HHAT: variants seen among roughly 807,000 people sequenced by gnomAD.
HHAT encodes hedgehog acyltransferase.
In HHAT, 47 loss-of-function variants were observed where a neutral mutation model predicts 70.8. That is an observed-to-expected ratio of 0.66 (90% confidence interval 0.53 to 0.85). HHAT has a LOEUF of 0.85. Among genes scored for constraint, HHAT ranks in the 40% least tolerant of loss-of-function variants. HHAT has a pLI of 0.00. For missense variants in HHAT, 609 were observed against 604.8 expected, an observed-to-expected ratio of 1.01 and a Z score of -0.07; for synonymous variants, 228 against 247.6, an observed-to-expected ratio of 0.92 and a Z score of 0.74.
intron 10 of HHAT, among the ~76,000 whole-genome samples, chr1:210,609,759 G>A (rs1282275898): frequency 2.0e-5 from 3 of 152,076 alleles, no homozygotes; most frequent in Admixed American, 2.0e-4. Context: ...GAGAACATGC[G>A]GTGCTTGGTT....
chr1:210,545,856 A>G (rs1419605358), intron 9 of HHAT, among the ~76,000 whole-genome samples: 1 of 152,188 alleles, frequency 6.6e-6, no homozygotes, highest in East Asian at 1.9e-4. Context: ...TATTTCTGAA[A>G]TGATTTGGCT....
intron 6 of HHAT, among the ~76,000 whole-genome samples, chr1:210,411,801 T>C (rs1262352105): frequency 2.7e-5 from 4 of 150,766 alleles, no homozygotes; most frequent in Non-Finnish European, 5.9e-5. Context: ...TAGAGTGATT[T>C]TGCTGCCTCT....
At chr1:210,360,833 ATAATTAACT>A (rs2088206844) in intron 2 of HHAT, among the ~76,000 whole-genome samples, 1 of 145,550 alleles carries the variant, frequency 6.9e-6, no homozygotes, top group African/African-American at 2.6e-5. Flanking sequence ...ATTGGAATAA[ATAATTAACT>A]TCACTTTTTT....
rs769045157 is a variant in HHAT at position 210,418,155 on chromosome 1, TGCAGCA to T, written c.691_696del (p.Gln231_Gln232del). ...TGACCTCTTTTGTTTCCACTTTAGA[TGCAGCA>T]GCAGGAGCATGACTCCCTGAAGGCC... is the stretch of plus-strand genomic sequence containing the variant. On this transcript the variant is annotated inframe_deletion and splice_region_variant, in exon 7 of 12. Coordinates refer to ENST00000261458, the MANE Select transcript of HHAT (RefSeq NM_018194.6). 14 of 1,614,052 alleles carry T rather than the reference TGCAGCA, an allele frequency of 8.7e-6. No homozygotes were observed. The South Asian group carries it at 1.3e-4, about 15-fold the overall frequency.
chr1:210,575,674 G>A (rs1390570988), intron 9 of HHAT, among the ~76,000 whole-genome samples: 5 of 152,194 alleles, frequency 3.3e-5, no homozygotes, highest in African/African-American at 1.2e-4. Context: ...CTTAAAAAGT[G>A]CTTTTGGTGC....
chr1:210,350,613 G>A (rs1229865285), intron 2 of HHAT, among the ~76,000 whole-genome samples: 2 of 152,158 alleles, frequency 1.3e-5, no homozygotes, highest in African/African-American at 4.8e-5. Flanking sequence ...TTTTGTTATA[G>A]CAATCTTGTT....
chr1:210,600,374 C>T (rs4357526), intron 10 of HHAT, among the ~76,000 whole-genome samples: 148,542 of 152,278 alleles, frequency 0.98, 72,547 homozygotes, highest in East Asian at 1. Flanking sequence ...GATTGAATAC[C>T]GAAAAAAACT....
intron 9 of HHAT, among the ~76,000 whole-genome samples, chr1:210,536,675 A>G (rs1558114703): frequency 6.6e-6 from 1 of 152,250 alleles, no homozygotes; most frequent in African/African-American, 2.4e-5. Flanking sequence ...GGGTGCTAAT[A>G]CAGGTGATCA....
intron 7 of HHAT, among the ~76,000 whole-genome samples, chr1:210,428,825 A>C (rs1026678013): frequency 2.0e-5 from 3 of 151,498 alleles, no homozygotes; most frequent in African/African-American, 7.3e-5. Context: ...GAAAATACAA[A>C]AATTAGCCAG....
chr1:210,600,043 C>T (rs985615216), intron 10 of HHAT, among the ~76,000 whole-genome samples: 1 of 152,136 alleles, frequency 6.6e-6, no homozygotes, highest in African/African-American at 2.4e-5. Flanking sequence ...CTTCAGATTT[C>T]AGCTCAAATG....
chr1:210,369,253 C>T (rs761369908), intron 3 of HHAT, among the ~76,000 whole-genome samples: 3 of 152,156 alleles, frequency 2.0e-5, no homozygotes, highest in Non-Finnish European at 4.4e-5. Context: ...TTCCTGAGGA[C>T]ACATTTTCCC....
intron 3 of HHAT, among the ~76,000 whole-genome samples, chr1:210,376,456 G>A (rs781766164): frequency 6.6e-6 from 1 of 152,150 alleles, no homozygotes; most frequent in Non-Finnish European, 1.5e-5. Flanking sequence ...GAAAGCAGAC[G>A]TCTCTGTGTT....
chr1:210,633,809 C>T (rs77762608), intron 11 of HHAT, among the ~76,000 whole-genome samples: 3,958 of 152,234 alleles, frequency 0.026, 152 homozygotes, highest in African/African-American at 0.09. Flanking sequence ...GGGCCGAAGC[C>T]TTTGTCCCCT....
At chr1:210,344,142 G>T (rs2086289636) in intron 1 of HHAT, among the ~76,000 whole-genome samples, 1 of 152,130 alleles carries the variant, frequency 6.6e-6, no homozygotes, top group African/African-American at 2.4e-5. Flanking sequence ...AGACTATTTG[G>T]TTCAATTCCT....
intron 10 of HHAT, among the ~76,000 whole-genome samples, chr1:210,602,876 C>G (rs1203068275): frequency 1.3e-5 from 2 of 152,148 alleles, no homozygotes; most frequent in Non-Finnish European, 2.9e-5. Context: ...ATTTTCTTCT[C>G]TGTGGGAATT....
At chr1:210,385,261 T>TC (rs2090959136) in intron 3 of HHAT, among the ~76,000 whole-genome samples, 1 of 151,500 alleles carries the variant, frequency 6.6e-6, no homozygotes, top group Non-Finnish European at 1.5e-5. Context: ...TCTTTTTTTT[T>TC]TTTTTTCTTT....
chr1:210,367,872 T>C (rs915774568), intron 3 of HHAT, among the ~76,000 whole-genome samples: 1 of 152,020 alleles, frequency 6.6e-6, no homozygotes. Context: ...TTTTTTGTAA[T>C]GTTTGCTCTT....
intron 9 of HHAT, among the ~76,000 whole-genome samples, chr1:210,582,039 C>T (rs546419369): frequency 7.2e-5 from 11 of 152,212 alleles, no homozygotes; most frequent in African/African-American, 2.4e-4. Context: ...ATCAGTGGAA[C>T]AGACAGTACA....
chr1:210,417,031 T>C (rs965657044), intron 6 of HHAT, among the ~76,000 whole-genome samples: 5 of 152,100 alleles, frequency 3.3e-5, no homozygotes, highest in African/African-American at 7.2e-5. Flanking sequence ...AAGAAGAAAA[T>C]TCCTTTTACA....
Sources: allele counts gnomAD v4.1 joint callset (sites outside exome capture counted in the v4.1 genomes callset), GRCh38; gene constraint gnomAD v4.1.1; transcripts MANE v1.5; gene names NCBI Gene and HGNC (gene_info 2026-07-23, HGNC 2026-07-21).